Variants in FAT3 observed in about 807,000 individuals in gnomAD.
The protein encoded by FAT3 is protocadherin Fat 3.
FAT3 carries 95 observed loss-of-function variants against 310.2 expected under a neutral mutation model. That is an observed-to-expected ratio of 0.31 (90% CI 0.26 to 0.36). FAT3 has a LOEUF of 0.36. Among genes scored for constraint, FAT3 ranks in the 10% least tolerant of loss-of-function variants. The probability of loss-of-function intolerance (pLI) is 1.00; values close to 1 mark genes in which losing one functional copy is unlikely to be tolerated. For missense variants in FAT3, 5,408 were observed against 5,715.6 expected (o/e 0.95, Z 1.74); for synonymous variants, 2,314 against 2,192.9 (o/e 1.06, Z -1.54).
intron 2 of FAT3, among the ~76,000 whole-genome samples, chr11:92,518,525 A>G (rs1462928209): frequency 6.6e-6 from 1 of 151,998 alleles, no homozygotes; most frequent in Middle Eastern, 3.2e-3. Context: ...GTGGGGGGCT[A>G]GGGGAGAGAT....
At chr11:92,575,821 G>A (rs16917821) in intron 3 of FAT3, among the ~76,000 whole-genome samples, 1,699 of 152,170 alleles carry the variant, frequency 0.011, 35 homozygotes, top group East Asian at 0.098. Flanking sequence ...GGCAGAAGGA[G>A]GAAGGCTTTT....
chr11:92,286,842 C>T (rs913084408), intron 1 of FAT3, among the ~76,000 whole-genome samples: 4 of 152,156 alleles, frequency 2.6e-5, no homozygotes, highest in African/African-American at 9.6e-5. Context: ...ATCAAACTGA[C>T]TTCAAGTTGA....
chr11:92,716,107 A>C (rs1231398578), intron 4 of FAT3, among the ~76,000 whole-genome samples: 2 of 152,182 alleles, frequency 1.3e-5, no homozygotes, highest in Non-Finnish European at 2.9e-5. Context: ...CAGCTGGTTA[A>C]GAGGAGGCAG....
chr11:92,339,372 A>G (rs1235185867), intron 1 of FAT3, among the ~76,000 whole-genome samples: 1 of 152,174 alleles, frequency 6.6e-6, no homozygotes, highest in Admixed American at 6.5e-5. Flanking sequence ...GGAGTTTCAT[A>G]AGACATTTGT....
chr11:92,581,031 A>G (rs1009641405), intron 3 of FAT3, among the ~76,000 whole-genome samples: 3 of 151,990 alleles, frequency 2.0e-5, no homozygotes, highest in Middle Eastern at 3.2e-3. Context: ...TAATTCCATC[A>G]TTCATTGCCT....
rs141432025 is a variant in FAT3 at position 92,803,569 on chromosome 11, G to T, written c.8897-1584G>T. Among the ~76,000 whole-genome samples the T allele has an allele frequency of 6.2e-3, 951 of 152,298 alleles. 8 individuals are homozygous for T. Among genetic ancestry groups the T allele is most frequent in the African/African-American group, 0.022 (910 of 41,564 alleles). On this transcript the variant is annotated intron_variant, in intron 10 of 27. Coordinates refer to ENST00000525166, the MANE Select transcript of FAT3 (RefSeq NM_001367949.2). The stretch of plus-strand genomic sequence containing the variant: ...AGGGAGGACCCTGAAGCTCCCTAGA[G>T]CAGGGTTGCTCAGCCACACCGCTAT...
intron 1 of FAT3, among the ~76,000 whole-genome samples, chr11:92,242,849 C>A (rs1024656030): frequency 6.6e-6 from 1 of 151,966 alleles, no homozygotes; most frequent in African/African-American, 2.4e-5. Flanking sequence ...AGTCAGAGTT[C>A]TGAGCTTGAT....
intron 2 of FAT3, among the ~76,000 whole-genome samples, chr11:92,373,026 T>C (rs1949235947): frequency 6.6e-6 from 1 of 152,154 alleles, no homozygotes; most frequent in East Asian, 1.9e-4. Context: ...TGCTATTTTA[T>C]GGAATGTACG....
chr11:92,229,490 G>GTTTTTTTTTTTTT lies in FAT3; in HGVS notation c.-18+4317_-18+4318insTTTTTTTTTTTTT. On this transcript the variant is annotated intron_variant, in intron 1 of 27. Coordinates refer to ENST00000525166, the MANE Select transcript of FAT3 (RefSeq NM_001367949.2). Reference sequence around the variant, plus strand: ...CCTTGTTTTCTTTTTTTGTTTTTTCGTGTTTTTTTTTTTTTTGTTTTTTGT... The same window carrying GTTTTTTTTTTTTT: ...CCTTGTTTTCTTTTTTTGTTTTTTCGTTTTTTTTTTTTTTGTTTTTTTTTTTTTTGTTTTTTGT... Among the ~76,000 whole-genome samples the GTTTTTTTTTTTTT allele has an allele frequency of 8.1e-4, 38 of 46,848 alleles. 10 individuals carry two copies. The highest frequency in any genetic ancestry group is 1.6e-3 in the African/African-American group (21 of 13,138). 30.7% of individuals were successfully genotyped at this position (46,848 alleles called of 152,430 possible).
rs755579023 is a variant in FAT3, at chr11:92,831,871, C to T, written c.9731C>T (p.Thr3244Met). The T allele has an allele frequency of 2.2e-5, 36 of 1,613,372 alleles. No individual in the cohort carries two copies. Among genetic ancestry groups the T allele is most frequent in the Admixed American group, 1.7e-5 (1 of 59,946 alleles). ...PVFERRDYLV[T>M]VPEDTSPGTQ... is the part of the protein sequence containing the mutation. Reference sequence around the variant, plus strand: ...TTTGAGAGGAGGGACTACCTGGTGACGGTGCCTGAGGACACCTCCCCTGGC... The same window carrying T: ...TTTGAGAGGAGGGACTACCTGGTGATGGTGCCTGAGGACACCTCCCCTGGC... The change falls in exon 14 of 28, where the codon ACG becomes ATG. Residue 3244 changes from threonine to methionine, a missense_variant. By Grantham distance (81) the Thr-to-Met change is moderately conservative. Transcript: ENST00000525166.
intron 3 of FAT3, among the ~76,000 whole-genome samples, chr11:92,616,203 G>A (rs1404628858): frequency 1.3e-5 from 2 of 152,174 alleles, no homozygotes; most frequent in Admixed American, 6.5e-5. Context: ...AGCTCTTCTT[G>A]TTGAATTGAT....
intron 2 of FAT3, among the ~76,000 whole-genome samples, chr11:92,388,802 A>G (rs1169950587): frequency 6.6e-6 from 1 of 152,212 alleles, no homozygotes; most frequent in African/African-American, 2.4e-5. Context: ...AATGCTAAGA[A>G]ATTCTTTACA....
chr11:92,594,510 A>G (rs182277442), intron 3 of FAT3, among the ~76,000 whole-genome samples: 62 of 152,266 alleles, frequency 4.1e-4, no homozygotes, highest in Non-Finnish European at 4.1e-4. Flanking sequence ...CCATGAAACA[A>G]AGGCCATTTT....
At chr11:92,847,909 C>T (rs1948728134) in intron 19 of FAT3, among the ~76,000 whole-genome samples, 2 of 147,596 alleles carry the variant, frequency 1.4e-5, no homozygotes, top group Admixed American at 6.6e-5. Context: ...ATAAATGCCC[C>T]TCCCCCCAAA....
intron 1 of FAT3, among the ~76,000 whole-genome samples, chr11:92,329,064 CTTTTAT>C (rs1466899832): frequency 6.0e-5 from 9 of 150,832 alleles, no homozygotes; most frequent in African/African-American, 1.7e-4. Flanking sequence ...AATCCCTCTT[CTTTTAT>C]TTTTGAGTGT....
At chr11:92,818,552 C>G (rs970479112) in intron 13 of FAT3, among the ~76,000 whole-genome samples, 1 of 152,288 alleles carries the variant, frequency 6.6e-6, no homozygotes, top group South Asian at 2.1e-4. Flanking sequence ...TCTCCAGACC[C>G]TGGAGATCAG....
chr11:92,409,755 G>A (rs148571257), intron 2 of FAT3, among the ~76,000 whole-genome samples: 1 of 152,160 alleles, frequency 6.6e-6, no homozygotes, highest in African/African-American at 2.4e-5. Context: ...CAGCATGATT[G>A]CAGGGTAGTG....
chr11:92,796,118 A>G (rs1947166412), intron 9 of FAT3, among the ~76,000 whole-genome samples: 1 of 151,744 alleles, frequency 6.6e-6, no homozygotes, highest in Non-Finnish European at 1.5e-5. Flanking sequence ...TGGTGCCATC[A>G]CTGGAAGGTG....
chr11:92,442,079 TTTTATATA>T lies in FAT3; in HGVS notation c.3293-82553_3293-82546del, dbSNP rs797013730. ...AAGTGCAAAACTTAAGAAATATATATTTTATATATATATATATATATATATATATATAT... is the reference window on the plus strand; with the variant it reads ...AAGTGCAAAACTTAAGAAATATATATTATATATATATATATATATATATAT... On this transcript the variant is annotated intron_variant, in intron 2 of 27. Coordinates refer to ENST00000525166, the MANE Select transcript of FAT3 (RefSeq NM_001367949.2). Among the ~76,000 whole-genome samples the T allele has an allele frequency of 8.1e-3, 542 of 67,150 alleles. 39 individuals are homozygous for T. The highest frequency in any genetic ancestry group is 0.033 in the African/African-American group (469 of 14,178). The allele number at this position is 67,150 out of a possible 152,430, so 44.1% of individuals were successfully genotyped here.
Sources: allele counts gnomAD v4.1 joint callset (sites outside exome capture counted in the v4.1 genomes callset), GRCh38; gene constraint gnomAD v4.1.1; transcripts MANE v1.5; gene names NCBI Gene and HGNC (gene_info 2026-07-23, HGNC 2026-07-21).